The following PCBD2 variants were observed in gnomAD, a reference collection of about 807,000 sequenced individuals.
The protein encoded by PCBD2 is pterin-4-alpha-carbinolamine dehydratase 2.
PCBD2 carries 12 observed loss-of-function variants against 16.4 expected under a neutral mutation model. The ratio of observed to expected loss-of-function variants is 0.73; its 90% CI spans 0.47 to 1.19. The LOEUF is 1.19. Among genes scored for constraint, PCBD2 ranks in the 50% most tolerant of loss-of-function variants. The pLI is 0.00. For missense variants in PCBD2, 138 were observed against 156.8 expected (o/e 0.88, Z 0.64); for synonymous variants, 58 against 61.8 (o/e 0.94, Z 0.29).
At chr5:134,947,513 G>A (rs959310940) in intron 2 of PCBD2, among the ~76,000 whole-genome samples, 42 of 145,730 alleles carry the variant, frequency 2.9e-4, no homozygotes, top group Non-Finnish European at 4.9e-4. Context: ...TCAGCCTCCC[G>A]AGTAGGTGGC....
intron 2 of PCBD2, among the ~76,000 whole-genome samples, chr5:134,947,312 C>G (rs1206827635): frequency 6.6e-6 from 1 of 151,308 alleles, no homozygotes; most frequent in Non-Finnish European, 1.5e-5. Context: ...AGGCTGGTCT[C>G]AAACCCCTGA....
chr5:134,920,854 A>ACCAACATGG (rs975208830), intron 2 of PCBD2, among the ~76,000 whole-genome samples: 3 of 152,192 alleles, frequency 2.0e-5, no homozygotes, highest in African/African-American at 7.2e-5. Context: ...ATGGTGTTTC[A>ACCAACATGG]CCAACATGGC....
intron 2 of PCBD2, among the ~76,000 whole-genome samples, chr5:134,919,315 A>G (rs575457448): frequency 2.9e-4 from 44 of 152,332 alleles, no homozygotes; most frequent in African/African-American, 1.0e-3. Context: ...TGATTAATGC[A>G]TTCATTGCTT....
At position 134,958,009 on chromosome 5, in the gene PCBD2, TG is replaced by T. The variant is rs1290375580; in HGVS notation, c.217-1030del. 2.6e-5 allele frequency among the ~76,000 whole-genome samples: 4 copies of T among 152,230 alleles called. No individual in the cohort carries two copies. In the East Asian group the frequency reaches 7.7e-4, roughly 29 times the overall value. ...GGAAATACACACTTAGGTCATTTGG[TG>T]ATCCCAAAAACATGGCTTGACTAAC... On this transcript the variant is annotated intron_variant, in intron 2 of 3. Transcript: ENST00000254908.
chr5:134,948,208 A>G (rs887645206), intron 2 of PCBD2, among the ~76,000 whole-genome samples: 3 of 152,236 alleles, frequency 2.0e-5, no homozygotes, highest in Non-Finnish European at 4.4e-5. Context: ...AGACTGGGCA[A>G]TTGGTCTGCC....
chr5:134,942,766 A>G (rs1326644263), intron 2 of PCBD2, among the ~76,000 whole-genome samples: 1 of 152,130 alleles, frequency 6.6e-6, no homozygotes, highest in African/African-American at 2.4e-5. Flanking sequence ...TGATTGGTTC[A>G]TATCATCTCA....
At chr5:134,922,636 GTTA>G (rs1267127735) in intron 2 of PCBD2, among the ~76,000 whole-genome samples, 1 of 151,312 alleles carries the variant, frequency 6.6e-6, no homozygotes, top group African/African-American at 2.4e-5. Flanking sequence ...ATCATTACAA[GTTA>G]TGCTAAGTGC....
chr5:134,926,226 T>A, intron 2 of PCBD2: 4 of 326,710 alleles, frequency 1.2e-5, no homozygotes, highest in Non-Finnish European at 2.2e-5. Flanking sequence ...GTTTGAAGCT[T>A]AGGGAGAGTT....
At chr5:134,937,917 A>C (rs537263861) in intron 2 of PCBD2, among the ~76,000 whole-genome samples, 1 of 152,130 alleles carries the variant, frequency 6.6e-6, no homozygotes, top group African/African-American at 2.4e-5. Context: ...CATGTTATTT[A>C]ATTTTATTTT....
Position 134,910,454 on chromosome 5 carries a change from C to T in PCBD2, c.204C>T (p.His68=). 1.2e-6 allele frequency: 2 copies of T among 1,614,116 alleles called. No individual in the cohort carries two copies. Among genetic ancestry groups the T allele is most frequent in the Non-Finnish European group, 1.7e-6 (2 of 1,179,962 alleles). Residue 68 remains histidine, a synonymous_variant, in exon 2 of 4, where the codon CAC becomes CAT. Coordinates refer to ENST00000254908, the MANE Select transcript of PCBD2 (RefSeq NM_032151.5). ...CCATCTACAAAGAATTCTCCTTCCA[C>T]AATTTTAATCAGGTAATTGTTATAA... The part of the protein sequence containing the change: ...RDAIYKEFSF[H]NFNQAFGFMS...
intron 2 of PCBD2, among the ~76,000 whole-genome samples, chr5:134,911,503 A>G (rs141478090): frequency 1.3e-5 from 2 of 152,298 alleles, no homozygotes; most frequent in Non-Finnish European, 2.9e-5. Flanking sequence ...GTTTTTATTT[A>G]TATTGGGTGT....
intron 2 of PCBD2, chr5:134,924,840 T>TAGATA (rs1174479823): frequency 2.8e-5 from 11 of 391,932 alleles, no homozygotes; most frequent in African/African-American, 4.1e-5. Context: ...TAAGAAGGCC[T>TAGATA]AGATAAGGGA....
At chr5:134,911,981 T>G (rs1750773886) in intron 2 of PCBD2, among the ~76,000 whole-genome samples, 1 of 152,178 alleles carries the variant, frequency 6.6e-6, no homozygotes, top group African/African-American at 2.4e-5. Flanking sequence ...CTGGCCTAAT[T>G]TATTGGGCTT....
At chr5:134,922,000 C>T (rs1358366943) in intron 2 of PCBD2, among the ~76,000 whole-genome samples, 1 of 152,230 alleles carries the variant, frequency 6.6e-6, no homozygotes, top group African/African-American at 2.4e-5. Context: ...CCTAAGCCTA[C>T]CTCGCATTAC....
At chr5:134,948,300 G>A (rs1751321861) in intron 2 of PCBD2, among the ~76,000 whole-genome samples, 1 of 152,134 alleles carries the variant, frequency 6.6e-6, no homozygotes, top group African/African-American at 2.4e-5. Flanking sequence ...GTCTCTTCAG[G>A]GAAAAGATAC....
intron 2 of PCBD2, among the ~76,000 whole-genome samples, chr5:134,929,140 T>G (rs1187270946): frequency 2.0e-5 from 3 of 151,816 alleles, no homozygotes; most frequent in African/African-American, 7.3e-5. Context: ...CTTGGTCCAT[T>G]TAGGGGTGAG....
intron 2 of PCBD2, among the ~76,000 whole-genome samples, chr5:134,941,604 G>A (rs2149537578): frequency 6.6e-6 from 1 of 152,274 alleles, no homozygotes; most frequent in African/African-American, 2.4e-5. Flanking sequence ...GTTACTCGCT[G>A]TATGTGAGAC....
intron 2 of PCBD2, among the ~76,000 whole-genome samples, chr5:134,941,967 A>C (rs1751234469): frequency 7.1e-6 from 1 of 141,816 alleles, no homozygotes; most frequent in South Asian, 2.1e-4. Context: ...AAAAGTACCA[A>C]AAAAAAAAAA....
chr5:134,928,863 G>A (rs972557768), intron 2 of PCBD2, among the ~76,000 whole-genome samples: 2 of 152,132 alleles, frequency 1.3e-5, no homozygotes, highest in Admixed American at 6.5e-5. Flanking sequence ...GTGGCTGGAA[G>A]TGATATTTAC....
Sources: allele counts gnomAD v4.1 joint callset (sites outside exome capture counted in the v4.1 genomes callset), GRCh38; gene constraint gnomAD v4.1.1; transcripts MANE v1.5; gene names NCBI Gene and HGNC (gene_info 2026-07-23, HGNC 2026-07-21).